The following ASTN2 variants were observed in gnomAD, a reference collection of about 807,000 sequenced individuals.
ASTN2 encodes astrotactin 2.
A neutral mutation model predicts 139.8 loss-of-function variants in ASTN2; 54 were observed. The observed-to-expected ratio is 0.39, with a 90% CI of 0.31 to 0.48. The LOEUF is 0.48. Ranked by LOEUF, ASTN2 falls within the 20% of genes least tolerant of loss-of-function variation. ASTN2 has a pLI of 0.95. For missense variants in ASTN2, 1,565 were observed against 1,725.1 expected, an observed-to-expected ratio of 0.91 and a Z score of 1.64; for synonymous variants, 756 against 719.5, an observed-to-expected ratio of 1.05 and a Z score of -0.81.
chr9:116,613,414 A>T (rs140860162), intron 19 of ASTN2: 1 of 152,158 alleles, frequency 6.6e-6, no homozygotes, highest in East Asian at 1.9e-4. Flanking sequence ...CCTGGCAGAG[A>T]CACAACAAAA....
At chr9:117,024,224 C>A (rs930119037) in intron 6 of ASTN2, among the ~76,000 whole-genome samples, 6 of 152,108 alleles carry the variant, frequency 3.9e-5, no homozygotes, top group African/African-American at 2.4e-5. Flanking sequence ...ATCTTCTACC[C>A]AACTCCTCAT....
intron 2 of ASTN2, among the ~76,000 whole-genome samples, chr9:117,280,544 T>C (rs1834300827): frequency 1.3e-5 from 2 of 152,026 alleles, no homozygotes; most frequent in Non-Finnish European, 2.9e-5. Context: ...ACGTAGAAAT[T>C]AGCGTTCAAT....
intron 6 of ASTN2, among the ~76,000 whole-genome samples, chr9:117,037,796 A>G (rs1441316815): frequency 6.6e-6 from 1 of 151,888 alleles, no homozygotes; most frequent in Admixed American, 6.6e-5. Context: ...CATCACTCCT[A>G]CTCCTCCATT....
At chr9:116,836,791 C>A (rs1430903751) in intron 11 of ASTN2, among the ~76,000 whole-genome samples, 2 of 151,920 alleles carry the variant, frequency 1.3e-5, no homozygotes, top group African/African-American at 4.8e-5. Context: ...TATAGGACAT[C>A]CAGGGTTTTT....
At chr9:116,778,472 A>T (rs939177939) in intron 13 of ASTN2, among the ~76,000 whole-genome samples, 9 of 152,170 alleles carry the variant, frequency 5.9e-5, no homozygotes, top group African/African-American at 1.7e-4. Flanking sequence ...TTACTAAAAA[A>T]AATTAAAAAG....
At chr9:117,032,611 C>A (rs980052800) in intron 6 of ASTN2, among the ~76,000 whole-genome samples, 5 of 152,156 alleles carry the variant, frequency 3.3e-5, no homozygotes, top group African/African-American at 7.2e-5. Flanking sequence ...CAAATCACTG[C>A]AAACTAGTTC....
chr9:116,642,944 C>T (rs572848050), intron 17 of ASTN2, among the ~76,000 whole-genome samples: 2 of 152,168 alleles, frequency 1.3e-5, no homozygotes, highest in Non-Finnish European at 2.9e-5. Context: ...TCTTTCAGGC[C>T]TGTTGCAAGA....
chr9:116,424,008 CT>C lies in ASTN2; in HGVS notation c.*1842del, dbSNP rs1484765966. 6.6e-6 allele frequency among the ~76,000 whole-genome samples: 1 copy of C among 151,848 alleles called. No individual in the cohort carries two copies. Among genetic ancestry groups the C allele is most frequent in the Non-Finnish European group, 1.5e-5 (1 of 67,996 alleles). On this transcript the variant is annotated 3_prime_UTR_variant, in exon 23 of 23. Coordinates refer to ENST00000313400, the MANE Select transcript of ASTN2 (RefSeq NM_001365068.1). ...CTGAAACCCCACAGTGCTACACTCT[CT>C]TCTCTTAACAGGTGTCATCTTTGCA...
chr9:116,851,672 TA>T (rs940736624), intron 11 of ASTN2, among the ~76,000 whole-genome samples: 13 of 151,118 alleles, frequency 8.6e-5, no homozygotes, highest in Admixed American at 3.3e-4. Flanking sequence ...ATTTCATAAT[TA>T]AAAAAAAACA....
intron 13 of ASTN2, among the ~76,000 whole-genome samples, chr9:116,771,550 G>T (rs1032986903): frequency 6.6e-6 from 1 of 152,200 alleles, no homozygotes; most frequent in Non-Finnish European, 1.5e-5. Flanking sequence ...ACCTCACTCA[G>T]AATCTGGCAC....
At chr9:117,336,014 G>T (rs370992757) in intron 1 of ASTN2, among the ~76,000 whole-genome samples, 1 of 149,896 alleles carries the variant, frequency 6.7e-6, no homozygotes, top group East Asian at 2.0e-4. Flanking sequence ...GAACAAATTG[G>T]CAGTGAGTGT....
At chr9:116,981,266 T>TTGAA (rs952400681) in intron 7 of ASTN2, among the ~76,000 whole-genome samples, 9 of 152,166 alleles carry the variant, frequency 5.9e-5, no homozygotes, top group African/African-American at 1.2e-4. Context: ...AACTCAATTA[T>TTGAA]TGAATGAATG....
intron 2 of ASTN2, among the ~76,000 whole-genome samples, chr9:117,226,840 C>T (rs111302789): frequency 1.3e-5 from 2 of 152,140 alleles, no homozygotes; most frequent in Non-Finnish European, 2.9e-5. Flanking sequence ...GAGCCTTCAT[C>T]CTTTGCTCAG....
chr9:116,578,282 G>A (rs745378283), intron 19 of ASTN2, among the ~76,000 whole-genome samples: 5 of 152,034 alleles, frequency 3.3e-5, no homozygotes, highest in Non-Finnish European at 7.4e-5. Flanking sequence ...TTGAGTCTCA[G>A]GAAACTAAGT....
rs762010104 is a variant in ASTN2, at chr9:117,214,514, T to C, written c.859A>G (p.Thr287Ala). ...CAGTCATAGTCATCCAGGATGGGAG[T>C]CTCCCGGATGGGCACGCCAATGACG... ...NSVIGVPIRE[T>A]PILDDYDCEE... Residue 287 changes from threonine to alanine, a missense_variant, in exon 3 of 23, where the codon ACT becomes GCT. Thr to Ala is a moderately conservative substitution (Grantham distance 58, BLOSUM62 0). This residue lies in a region of ASTN2 where 596 missense variants were observed against 576.8 expected (regional missense o/e 1.03). Transcript: ENST00000313400. 6.2e-7 allele frequency: 1 copy of C among 1,613,680 alleles called. No homozygotes were observed. The highest frequency in any genetic ancestry group is 8.5e-7 in the Non-Finnish European group (1 of 1,179,786).
intron 1 of ASTN2, among the ~76,000 whole-genome samples, chr9:117,309,148 G>T (rs1357857727): frequency 6.6e-6 from 1 of 152,232 alleles, no homozygotes; most frequent in African/African-American, 2.4e-5. Context: ...GCTCAGAGAA[G>T]TGCAGACACT....
chr9:116,471,644 A>G (rs1341672617), intron 20 of ASTN2, among the ~76,000 whole-genome samples: 1 of 152,198 alleles, frequency 6.6e-6, no homozygotes, highest in Non-Finnish European at 1.5e-5. Flanking sequence ...GCTTACTGCA[A>G]TAAGAGTGAA....
chr9:116,674,196 T>A (rs1269980310), intron 16 of ASTN2, among the ~76,000 whole-genome samples: 1 of 152,132 alleles, frequency 6.6e-6, no homozygotes, highest in Non-Finnish European at 1.5e-5. Context: ...GCTTGAGATA[T>A]TTTGCAGACC....
chr9:117,254,798 T>A (rs1409346948), intron 2 of ASTN2, among the ~76,000 whole-genome samples: 1 of 152,234 alleles, frequency 6.6e-6, no homozygotes, highest in Non-Finnish European at 1.5e-5. Context: ...TCCATATCAC[T>A]GTCTATTCTG....
Sources: allele counts gnomAD v4.1 joint callset (sites outside exome capture counted in the v4.1 genomes callset), GRCh38; gene constraint gnomAD v4.1.1; regional missense constraint gnomAD v4.1.1; transcripts MANE v1.5; gene names NCBI Gene and HGNC (gene_info 2026-07-23, HGNC 2026-07-21).